TMPRSS11E: variants seen among roughly 807,000 people sequenced by gnomAD.
TMPRSS11E encodes the protein transmembrane protease serine 11E.
In TMPRSS11E, 38 loss-of-function variants were observed where a neutral mutation model predicts 48.1. That is an observed-to-expected ratio of 0.79 (90% CI 0.61 to 1.04). TMPRSS11E has a LOEUF of 1.04. Ranked by LOEUF, TMPRSS11E falls within the 50% of genes least tolerant of loss-of-function variation. The pLI is 0.00. For missense variants in TMPRSS11E, 530 were observed against 510.8 expected (o/e 1.04, Z -0.36); for synonymous variants, 158 against 171.9 (o/e 0.92, Z 0.63).
chr4:68,469,078 C>A, intron 4 of TMPRSS11E, 132 bp downstream of exon 4: 2 of 776,334 alleles, frequency 2.6e-6, no homozygotes, highest in South Asian at 3.3e-5. Flanking sequence ...CTGTGTAAGT[C>A]ATGGGTTACA....
chr4:68,488,729 C>T (rs1010709358), intron 9 of TMPRSS11E, among the ~76,000 whole-genome samples: 3 of 152,170 alleles, frequency 2.0e-5, no homozygotes, highest in Non-Finnish European at 2.9e-5. Flanking sequence ...TTAATAGAGA[C>T]GGGGTTTCAC....
chr4:68,479,144 T>A (rs1159232935), intron 9 of TMPRSS11E, among the ~76,000 whole-genome samples, 153 bp downstream of exon 9: 1 of 152,194 alleles, frequency 6.6e-6, no homozygotes, highest in African/African-American at 2.4e-5. Context: ...ATAACTATAG[T>A]TCAATATAAG....
intron 1 of TMPRSS11E, among the ~76,000 whole-genome samples, chr4:68,455,412 A>G (rs1728602543): frequency 6.6e-6 from 1 of 151,972 alleles, no homozygotes; most frequent in South Asian, 2.1e-4. Context: ...GTTGGGGCTC[A>G]GGGGATGCTG....
intron 9 of TMPRSS11E, among the ~76,000 whole-genome samples, chr4:68,492,912 G>C (rs577665478): frequency 6.6e-6 from 1 of 152,220 alleles, no homozygotes; most frequent in East Asian, 1.9e-4. Flanking sequence ...TATTATGCTA[G>C]ACCTTCTTTT....
At chr4:68,474,907 A>G in intron 6 of TMPRSS11E, 146 bp downstream of exon 6, 1 of 667,808 alleles carries the variant, frequency 1.5e-6, no homozygotes. Context: ...GTACTTTATC[A>G]TATCTTGGAG....
intron 6 of TMPRSS11E, 93 bp from the exon 7 acceptor site, chr4:68,476,168 A>G (rs1435116251): frequency 6.5e-7 from 1 of 1,530,924 alleles, no homozygotes; most frequent in Non-Finnish European, 9.0e-7. Context: ...AGCACAAAGT[A>G]GAAGAAATAT....
At chr4:68,474,670 G>T in intron 5 of TMPRSS11E, 53 bp from the exon 6 acceptor site, 2 of 1,531,288 alleles carry the variant, frequency 1.3e-6, no homozygotes, top group Non-Finnish European at 1.8e-6. Context: ...ATACTCGGAG[G>T]CATAGTGTAA....
intron 1 of TMPRSS11E, among the ~76,000 whole-genome samples, chr4:68,448,357 A>G (rs1728400420): frequency 6.6e-6 from 1 of 151,970 alleles, no homozygotes; most frequent in African/African-American, 2.4e-5. Context: ...TGTTATTAGA[A>G]GTTTAATACT....
chr4:68,496,775 G>C lies in TMPRSS11E; in HGVS notation c.1243G>C (p.Asp415His). 10 of 1,613,008 alleles carry C rather than the reference G, an allele frequency of 6.2e-6. No individual in the cohort carries two copies. The highest frequency in any genetic ancestry group is 8.5e-6 in the Non-Finnish European group (10 of 1,179,388). Residue 415 changes from aspartate to histidine, a missense_variant, in exon 10 of 10, where the codon GAC (aspartate) becomes CAC (histidine). Coordinates refer to ENST00000305363, the MANE Select transcript of TMPRSS11E (RefSeq NM_014058.4). Reference sequence around the variant, plus strand: ...TTATACTAGAGTTACGGCCTTGCGGGACTGGATTACTTCAAAAACTGGTAT... The same window carrying C: ...TTATACTAGAGTTACGGCCTTGCGGCACTGGATTACTTCAAAAACTGGTAT... ...GVYTRVTALR[D>H]WITSKTGI
At chr4:68,465,358 A>C (rs1180634294) in intron 2 of TMPRSS11E, among the ~76,000 whole-genome samples, 1 of 152,214 alleles carries the variant, frequency 6.6e-6, no homozygotes, top group Non-Finnish European at 1.5e-5. Flanking sequence ...CTGGATGGCC[A>C]GGGTGTTTTA....
intron 1 of TMPRSS11E, among the ~76,000 whole-genome samples, chr4:68,451,574 A>T (rs984590198): frequency 6.6e-6 from 1 of 151,958 alleles, no homozygotes; most frequent in African/African-American, 2.4e-5. Context: ...ATGTCAGATG[A>T]TATCTCTGTT....
intron 1 of TMPRSS11E, among the ~76,000 whole-genome samples, chr4:68,454,075 A>T (rs1483722985): frequency 6.6e-6 from 1 of 151,946 alleles, no homozygotes; most frequent in African/African-American, 2.4e-5. Flanking sequence ...CTAACCAAAG[A>T]TCAAGGTTTC....
chr4:68,460,333 G>T (rs1178360969), intron 1 of TMPRSS11E, among the ~76,000 whole-genome samples: 2 of 152,140 alleles, frequency 1.3e-5, no homozygotes, highest in African/African-American at 2.4e-5. Context: ...GAGCGTTCTT[G>T]TTTTCTGTAA....
intron 7 of TMPRSS11E, 79 bp from the exon 8 acceptor site, chr4:68,477,290 T>C (rs541158571): frequency 1.5e-6 from 2 of 1,376,194 alleles, no homozygotes; most frequent in East Asian, 2.3e-5. Flanking sequence ...TCTACACCTG[T>C]AGACTAAATT....
rs1279217534 is a variant in TMPRSS11E at position 68,479,008 on chromosome 4, AT to A, written c.1110+19del. 1 of 1,607,442 alleles carries A rather than the reference AT, an allele frequency of 6.2e-7. No homozygotes were observed. Among genetic ancestry groups the A allele is most frequent in the African/African-American group, 1.3e-5 (1 of 74,288 alleles). Reference sequence around the variant, plus strand: ...GCATGCCAGGTAAACAGTTTTGCCCATTAGTAGGTTGTGTAATTTTTTGTTT... The same window carrying A: ...GCATGCCAGGTAAACAGTTTTGCCCATAGTAGGTTGTGTAATTTTTTGTTT... On this transcript the variant is annotated intron_variant, in intron 9 of 9. Transcript: ENST00000305363.
chr4:68,491,221 T>C (rs965937788), intron 9 of TMPRSS11E, among the ~76,000 whole-genome samples: 2 of 149,094 alleles, frequency 1.3e-5, no homozygotes, highest in African/African-American at 4.9e-5. Context: ...CAGGATTTTC[T>C]TGGAGCCTTT....
At position 68,471,596 on chromosome 4, in the gene TMPRSS11E, G is replaced by C; in HGVS notation, c.463G>C (p.Val155Leu). 1 of 1,600,004 alleles carries C rather than the reference G, an allele frequency of 6.2e-7. No homozygotes were observed. Among genetic ancestry groups the C allele is most frequent in the Non-Finnish European group, 8.5e-7 (1 of 1,175,240 alleles). ...GCAAGATGCTGTAGGACCCCCTAAA[G>C]TAGATCCTCACTCAGTTAAAATTAA... ...KLQDAVGPPK[V>L]DPHSVKIKKI... The change falls in exon 5 of 10, where the codon GTA becomes CTA. Residue 155 changes from valine (V) to leucine (L), a missense_variant. Physicochemically the swap from Val to Leu is conservative, Grantham distance 32 (BLOSUM62 1). Transcript: ENST00000305363.
chr4:68,481,882 C>T (rs770932897), intron 9 of TMPRSS11E, among the ~76,000 whole-genome samples: 4 of 151,946 alleles, frequency 2.6e-5, no homozygotes, highest in Admixed American at 6.6e-5. Flanking sequence ...CCCAAGAGGT[C>T]GAGGCTGCAC....
rs1390701854 is a variant in TMPRSS11E at position 68,493,005 on chromosome 4, C to G, written c.1111-3638C>G. On this transcript the variant is annotated intron_variant, in intron 9 of 9. Coordinates refer to ENST00000305363, the MANE Select transcript of TMPRSS11E (RefSeq NM_014058.4). Reference sequence around the variant, plus strand: ...GTGCACTTTTACATTTATGATCATCCATTATTTTCTTTATTCAACTATCTC... The same window carrying G: ...GTGCACTTTTACATTTATGATCATCGATTATTTTCTTTATTCAACTATCTC... Among the ~76,000 whole-genome samples, 3 of 152,082 alleles carry G rather than the reference C, an allele frequency of 2.0e-5. No homozygotes were observed. In the East Asian group the frequency reaches 5.8e-4, roughly 29 times the overall value.
Sources: allele counts gnomAD v4.1 joint callset (sites outside exome capture counted in the v4.1 genomes callset), GRCh38; gene constraint gnomAD v4.1.1; transcripts MANE v1.5; gene names NCBI Gene and HGNC (gene_info 2026-07-23, HGNC 2026-07-21).